The following PTPRT variants were observed in gnomAD, a reference collection of about 807,000 sequenced individuals.
The protein encoded by PTPRT is protein tyrosine phosphatase receptor type T, also known as receptor-type tyrosine-protein phosphatase T.
A neutral mutation model predicts 176.8 loss-of-function variants in PTPRT; 56 were observed. The observed-to-expected ratio is 0.32, with a 90% confidence interval of 0.26 to 0.40. The LOEUF (loss-of-function observed/expected upper bound fraction) is 0.40. Among genes scored for constraint, PTPRT ranks in the 10% least tolerant of loss-of-function variants. The pLI, the probability that PTPRT is intolerant of heterozygous loss-of-function variation, is 1.00. For missense variants in PTPRT, 1,540 were observed against 1,908.2 expected (o/e 0.81, Z 3.60); for synonymous variants, 783 against 739.0 (o/e 1.06, Z -0.96).
chr20:42,311,798 C>T (rs6030125), intron 12 of PTPRT, among the ~76,000 whole-genome samples: 1,557 of 151,904 alleles, frequency 0.01, 26 homozygotes, highest in African/African-American at 0.034. Flanking sequence ...CATTTTTCTT[C>T]GTTGACTGTT....
chr20:42,431,201 A>C (rs2059213212), intron 9 of PTPRT, among the ~76,000 whole-genome samples: 1 of 152,202 alleles, frequency 6.6e-6, no homozygotes, highest in African/African-American at 2.4e-5. Context: ...TATTAAACCA[A>C]TAAGATCATT....
At chr20:42,266,208 C>T (rs2056836353) in intron 13 of PTPRT, among the ~76,000 whole-genome samples, 1 of 152,124 alleles carries the variant, frequency 6.6e-6, no homozygotes, top group Non-Finnish European at 1.5e-5. Flanking sequence ...GGCTCAAGGT[C>T]CCCAGTTTTA....
intron 7 of PTPRT, among the ~76,000 whole-genome samples, chr20:42,594,153 T>G (rs1404085666): frequency 2.6e-5 from 4 of 151,944 alleles, no homozygotes; most frequent in Non-Finnish European, 5.9e-5. Context: ...GTGAGAGACA[T>G]GTGGAAGAGG....
chr20:42,404,815 G>GT (rs2058943229), intron 9 of PTPRT, among the ~76,000 whole-genome samples: 1 of 151,474 alleles, frequency 6.6e-6, no homozygotes, highest in African/African-American at 2.4e-5. Flanking sequence ...CTTGAAAAAC[G>GT]TAACAGTCAT....
chr20:42,160,692 C>A (rs1458445014), intron 17 of PTPRT, among the ~76,000 whole-genome samples: 1 of 152,192 alleles, frequency 6.6e-6, no homozygotes, highest in African/African-American at 2.4e-5. Context: ...CTGTCCTTTA[C>A]TGCAGTCCTT....
intron 1 of PTPRT, among the ~76,000 whole-genome samples, chr20:43,158,835 G>C (rs181933911): frequency 6.6e-6 from 1 of 152,282 alleles, no homozygotes; most frequent in East Asian, 1.9e-4. Flanking sequence ...GTGACCTTGG[G>C]CAAGTCACTC....
chr20:42,929,003 A>G (rs1979661121), intron 1 of PTPRT, among the ~76,000 whole-genome samples: 1 of 152,118 alleles, frequency 6.6e-6, no homozygotes, highest in African/African-American at 2.4e-5. Flanking sequence ...AACAGAACAT[A>G]CCCCCTGCTT....
chr20:42,475,806 A>G, intron 7 of PTPRT, among the ~76,000 whole-genome samples: 1 of 152,130 alleles, frequency 6.6e-6, no homozygotes, highest in East Asian at 1.9e-4. Flanking sequence ...TGCTCCTCTT[A>G]AAGGACTAAA....
At chr20:42,333,731 T>C (rs1480383130) in intron 11 of PTPRT, among the ~76,000 whole-genome samples, 1 of 152,198 alleles carries the variant, frequency 6.6e-6, no homozygotes, top group East Asian at 1.9e-4. Flanking sequence ...CAGGCTACAG[T>C]GCAGGGGTGC....
chr20:42,533,259 A>G (rs757338060), intron 7 of PTPRT, among the ~76,000 whole-genome samples: 1 of 152,200 alleles, frequency 6.6e-6, no homozygotes, highest in Non-Finnish European at 1.5e-5. Context: ...AAGCAGAGGC[A>G]TTTGGACTGG....
At chr20:42,866,553 T>C (rs1216677637) in intron 2 of PTPRT, among the ~76,000 whole-genome samples, 2 of 152,172 alleles carry the variant, frequency 1.3e-5, no homozygotes, top group African/African-American at 2.4e-5. Flanking sequence ...CTGCTCCAAG[T>C]TGCCTTTCAC....
chr20:42,603,859 C>T (rs2073826772), intron 7 of PTPRT, among the ~76,000 whole-genome samples: 1 of 152,162 alleles, frequency 6.6e-6, no homozygotes, highest in Non-Finnish European at 1.5e-5. Context: ...CACTCTCCAC[C>T]CACCTTCCAG....
At chr20:42,900,177 A>AG (rs35582553) in intron 1 of PTPRT, among the ~76,000 whole-genome samples, 7,303 of 152,306 alleles carry the variant, frequency 0.048, 457 homozygotes, top group African/African-American at 0.14. Flanking sequence ...AGAGTCACAG[A>AG]CTAGCAGGTG....
chr20:42,363,273 TATATATA>T (rs2058457928), intron 9 of PTPRT, among the ~76,000 whole-genome samples: 1 of 15,866 alleles, frequency 6.3e-5, no homozygotes, highest in African/African-American at 2.3e-4. Context: ...ATTACAATTA[TATATATA>T]TATATATATA....
chr20:42,056,022 C>T, the PTPRT span, among the ~76,000 whole-genome samples: 33 of 152,282 alleles, frequency 2.2e-4, no homozygotes, highest in East Asian at 5.0e-3. Flanking sequence ...TCCGCTGTCC[C>T]CTCTTAGTCC....
chr20:42,735,461 G>A (rs980639656), intron 6 of PTPRT, among the ~76,000 whole-genome samples: 24 of 151,812 alleles, frequency 1.6e-4, no homozygotes, highest in African/African-American at 5.8e-4. Flanking sequence ...CCCTCACTAG[G>A]AGAAAGAACA....
At chr20:42,359,836 T>C (rs1380942797) in intron 9 of PTPRT, among the ~76,000 whole-genome samples, 1 of 152,188 alleles carries the variant, frequency 6.6e-6, no homozygotes, top group Non-Finnish European at 1.5e-5. Flanking sequence ...CAGGGACCCA[T>C]GCCCGTGGTT....
chr20:42,439,404 G>T (rs142874952), intron 9 of PTPRT, among the ~76,000 whole-genome samples: 330 of 152,264 alleles, frequency 2.2e-3, no homozygotes, highest in Admixed American at 5.0e-3. Context: ...CATGCAAAGG[G>T]ATATTGACAG....
At chr20:43,013,231 G>C (rs185802577) in intron 1 of PTPRT, among the ~76,000 whole-genome samples, 28 of 151,922 alleles carry the variant, frequency 1.8e-4, no homozygotes, top group African/African-American at 6.5e-4. Context: ...GAACATGCCT[G>C]GTCTACAGAA....
Sources: gnomAD v4.1 joint callset for allele counts (sites outside exome capture counted in the v4.1 genomes callset) on GRCh38, gnomAD v4.1.1 for gene constraint, MANE v1.5 for transcripts, NCBI Gene and HGNC (gene_info 2026-07-23, HGNC 2026-07-21) for gene names.